Variants in SOX5 observed in about 807,000 individuals in gnomAD.
SOX5 encodes SRY-box transcription factor 5, also known as transcription factor SOX-5.
SOX5 carries 9 observed loss-of-function variants against 92.0 expected under a neutral mutation model. The ratio of observed to expected loss-of-function variants is 0.10; its 90% CI spans 0.06 to 0.17. The LOEUF is 0.17. SOX5 is among the 10% of genes least tolerant of loss of function. SOX5 has a pLI of 1.00. For missense variants in SOX5, 642 were observed against 944.5 expected, an observed-to-expected ratio of 0.68 and a Z score of 4.20; for synonymous variants, 344 against 336.3, an observed-to-expected ratio of 1.02 and a Z score of -0.25.
intron 6 of SOX5, among the ~76,000 whole-genome samples, chr12:23,703,849 T>C (rs2091009162): frequency 6.6e-6 from 1 of 151,912 alleles, no homozygotes; most frequent in Admixed American, 6.6e-5. Flanking sequence ...TCAGGAACGA[T>C]GACTCCATCT....
intron 4 of SOX5, among the ~76,000 whole-genome samples, chr12:24,050,449 T>C (rs1283575111): frequency 6.6e-6 from 1 of 152,180 alleles, no homozygotes; most frequent in Non-Finnish European, 1.5e-5. Flanking sequence ...GTTTATATTT[T>C]ACTTTGATTA....
chr12:24,081,869 A>G (rs1943377138), intron 4 of SOX5, among the ~76,000 whole-genome samples: 1 of 151,940 alleles, frequency 6.6e-6, no homozygotes, highest in South Asian at 2.1e-4. Flanking sequence ...GCTTTCTCTC[A>G]TGGCAAACTC....
chr12:24,009,442 G>T (rs957162277), intron 4 of SOX5, among the ~76,000 whole-genome samples: 2 of 152,056 alleles, frequency 1.3e-5, no homozygotes, highest in African/African-American at 4.8e-5. Context: ...ATTTTCAGGT[G>T]TAAAATGAAC....
At chr12:23,542,211 C>T (rs1026248257) in intron 13 of SOX5, among the ~76,000 whole-genome samples, 7 of 152,168 alleles carry the variant, frequency 4.6e-5, no homozygotes, top group African/African-American at 1.2e-4. Flanking sequence ...AAGTGCCTTA[C>T]GAATTCTAAT....
At chr12:24,349,509 A>T (rs1340028960) in intron 2 of SOX5, among the ~76,000 whole-genome samples, 1 of 152,168 alleles carries the variant, frequency 6.6e-6, no homozygotes. Flanking sequence ...ACCCCACATA[A>T]ATGGAATACT....
intron 2 of SOX5, among the ~76,000 whole-genome samples, chr12:24,281,254 A>AC (rs1364251361): frequency 6.6e-6 from 1 of 151,856 alleles, no homozygotes; most frequent in Non-Finnish European, 1.5e-5. Context: ...AAAAAAAAAA[A>AC]AAACTGTTGT....
chr12:24,137,097 C>T (rs920980583), intron 4 of SOX5, among the ~76,000 whole-genome samples: 5 of 152,160 alleles, frequency 3.3e-5, no homozygotes, highest in Non-Finnish European at 7.3e-5. Context: ...GTTCATGATC[C>T]AGTTTCCAAA....
chr12:23,993,350 G>T (rs1490007585), intron 4 of SOX5, among the ~76,000 whole-genome samples: 1 of 152,136 alleles, frequency 6.6e-6, no homozygotes, highest in East Asian at 1.9e-4. Flanking sequence ...TAAAAGCAAA[G>T]AAAAAAACTA....
At chr12:24,028,337 G>C (rs1010713881) in intron 4 of SOX5, among the ~76,000 whole-genome samples, 1 of 151,986 alleles carries the variant, frequency 6.6e-6, no homozygotes, top group Non-Finnish European at 1.5e-5. Context: ...AATATTGTTG[G>C]ATGAATGAAT....
At chr12:24,094,627 T>G (rs1351720001) in intron 4 of SOX5, among the ~76,000 whole-genome samples, 1 of 152,136 alleles carries the variant, frequency 6.6e-6, no homozygotes, top group African/African-American at 2.4e-5. Flanking sequence ...CTTTTCAGTT[T>G]AAGGTTTTTG....
chr12:23,959,648 AC>A (rs1378806124), intron 4 of SOX5, among the ~76,000 whole-genome samples: 2 of 152,094 alleles, frequency 1.3e-5, no homozygotes, highest in East Asian at 3.8e-4. Flanking sequence ...GGAAAGGGCT[AC>A]CCCCTCCATG....
chr12:23,600,522 C>CATATGTATATAT (rs1555190979), intron 9 of SOX5, among the ~76,000 whole-genome samples: 2 of 39,802 alleles, frequency 5.0e-5, no homozygotes, highest in African/African-American at 1.9e-4. Context: ...GGGGGGGGTG[C>CATATGTATATAT]ATATATATAT....
intron 2 of SOX5, among the ~76,000 whole-genome samples, chr12:24,319,073 C>T (rs1057147898): frequency 6.6e-6 from 1 of 152,332 alleles, no homozygotes; most frequent in South Asian, 2.1e-4. Context: ...TCTTCTACCA[C>T]TCCTGAGGAA....
chr12:23,865,774 A>G (rs2096805239), intron 2 of SOX5, among the ~76,000 whole-genome samples: 1 of 152,236 alleles, frequency 6.6e-6, no homozygotes, highest in African/African-American at 2.4e-5. Context: ...ACTTCTGGAA[A>G]GGTTTCATCA....
intron 4 of SOX5, among the ~76,000 whole-genome samples, chr12:23,750,109 T>C (rs1399276040): frequency 6.6e-6 from 1 of 151,884 alleles, no homozygotes; most frequent in Non-Finnish European, 1.5e-5. Flanking sequence ...CAAACTCTGT[T>C]GAAGACAGGC....
rs368819798 is a variant in SOX5 at position 24,201,723 on chromosome 12, A to G, written c.-2+11620T>C. Among the ~76,000 whole-genome samples, 40 of 152,258 alleles carry G rather than the reference A, an allele frequency of 2.6e-4. No homozygotes were observed. The South Asian group carries it at 6.2e-3, about 24-fold the overall frequency. ...TGAGTACTACCCCCATCTCACTGGC[A>G]CCATCAAGCTTTGGGAGGTGTGAGT... On this transcript the variant is annotated intron_variant, in intron 4 of 4. Coordinates refer to the SOX5 transcript ENST00000446891.
chr12:24,456,973 T>C (rs1453603960), intron 1 of SOX5, among the ~76,000 whole-genome samples: 1 of 152,218 alleles, frequency 6.6e-6, no homozygotes, highest in Non-Finnish European at 1.5e-5. Context: ...AAATTTACAA[T>C]GTCATCCCTT....
chr12:24,257,625 C>T (rs568299230), intron 3 of SOX5, among the ~76,000 whole-genome samples: 3 of 151,916 alleles, frequency 2.0e-5, no homozygotes, highest in Admixed American at 6.6e-5. Context: ...CGCACCACCA[C>T]GACTGGCTAA....
intron 3 of SOX5, among the ~76,000 whole-genome samples, chr12:23,829,606 T>C (rs143920477): frequency 3.3e-5 from 5 of 152,258 alleles, no homozygotes; most frequent in African/African-American, 9.6e-5. Context: ...AGTCTGGATA[T>C]GCTAGTTTCA....
Sources: gnomAD v4.1 joint callset for allele counts (sites outside exome capture counted in the v4.1 genomes callset) on GRCh38, gnomAD v4.1.1 for gene constraint, MANE v1.5 for transcripts, NCBI Gene and HGNC (gene_info 2026-07-23, HGNC 2026-07-21) for gene names.